QTMAN: variants seen among roughly 807,000 people sequenced by gnomAD.
QTMAN encodes tRNA-queuosine alpha-mannosyltransferase.
chr2:144,170,647 G>A, the QTMAN span, among the ~76,000 whole-genome samples: 1 of 152,008 alleles, frequency 6.6e-6, no homozygotes, highest in Admixed American at 6.6e-5. Flanking sequence ...TTCCAATGTT[G>A]TGTGTTACCC....
the QTMAN span, among the ~76,000 whole-genome samples, chr2:144,135,371 GAGAGTTTGTATAA>G: frequency 6.6e-6 from 1 of 152,118 alleles, no homozygotes; most frequent in Non-Finnish European, 1.5e-5. Context: ...TGTGAGGCAA[GAGAGTTTGTATAA>G]ATGAGACATA....
chr2:144,070,067 C>A, the QTMAN span, among the ~76,000 whole-genome samples: 8 of 152,152 alleles, frequency 5.3e-5, no homozygotes, highest in African/African-American at 1.9e-4. Context: ...CCTTAACGTG[C>A]TTCTGGAAAC....
At chr2:144,022,278 A>G in the QTMAN span, among the ~76,000 whole-genome samples, 1 of 147,830 alleles carries the variant, frequency 6.8e-6, no homozygotes, top group African/African-American at 2.5e-5. Flanking sequence ...TCTCTTTCCT[A>G]TTTTCTTTTT....
chr2:144,288,314 A>G, the QTMAN span, among the ~76,000 whole-genome samples: 4 of 152,186 alleles, frequency 2.6e-5, no homozygotes, highest in African/African-American at 7.2e-5. Flanking sequence ...TACCACAAAA[A>G]TGACAATCTT....
the QTMAN span, among the ~76,000 whole-genome samples, chr2:144,192,964 A>G: frequency 1.1e-4 from 16 of 152,196 alleles, no homozygotes; most frequent in African/African-American, 3.9e-4. Context: ...CATCATGTGC[A>G]GACATTCACA....
At chr2:144,332,285 C>T in the QTMAN span, among the ~76,000 whole-genome samples, 378 of 150,768 alleles carry the variant, frequency 2.5e-3, 5 homozygotes, top group African/African-American at 9.0e-3. Context: ...CACCCCCCGC[C>T]CCCGGCTCCC....
the QTMAN span, among the ~76,000 whole-genome samples, chr2:144,081,014 C>T: frequency 2.0e-5 from 3 of 152,160 alleles, no homozygotes; most frequent in Non-Finnish European, 4.4e-5. Context: ...CCTCAAGTTA[C>T]TGAAATTACT....
At chr2:144,252,137 C>A in the QTMAN span, among the ~76,000 whole-genome samples, 4 of 151,972 alleles carry the variant, frequency 2.6e-5, 1 homozygote, top group Admixed American at 1.3e-4. Flanking sequence ...GAGGCCAAGG[C>A]AGGAGGAATG....
the QTMAN span, among the ~76,000 whole-genome samples, chr2:144,267,557 C>CA: frequency 7.9e-5 from 12 of 152,016 alleles, no homozygotes; most frequent in Non-Finnish European, 1.8e-4. Flanking sequence ...GATCCTAACA[C>CA]AAAAAAGCAG....
chr2:144,127,977 G>C, the QTMAN span: 2 of 152,018 alleles, frequency 1.3e-5, no homozygotes, highest in East Asian at 1.9e-4. Context: ...ACAGGACTCA[G>C]GGATAAAAAG....
chr2:144,257,995 G>C, the QTMAN span, among the ~76,000 whole-genome samples: 1 of 151,922 alleles, frequency 6.6e-6, no homozygotes, highest in Non-Finnish European at 1.5e-5. Context: ...ACAACTAAAG[G>C]AGATGAAAAG....
the QTMAN span, among the ~76,000 whole-genome samples, chr2:144,263,432 T>C: frequency 1.3e-5 from 2 of 152,180 alleles, no homozygotes; most frequent in Non-Finnish European, 2.9e-5. Context: ...GTCCTGGTCA[T>C]GGCTCTACCA....
chr2:144,274,313 GAC>G, the QTMAN span, among the ~76,000 whole-genome samples: 8 of 152,308 alleles, frequency 5.3e-5, no homozygotes, highest in African/African-American at 1.4e-4. Context: ...AGGAGAATCT[GAC>G]ACAGTTTCTA....
chr2:144,113,981 C>T, the QTMAN span, among the ~76,000 whole-genome samples: 1 of 152,184 alleles, frequency 6.6e-6, no homozygotes, highest in African/African-American at 2.4e-5. Context: ...ATGTTCTTCT[C>T]TACTTGGGAG....
the QTMAN span, among the ~76,000 whole-genome samples, chr2:144,236,706 A>G: frequency 1.3e-5 from 2 of 152,142 alleles, no homozygotes; most frequent in African/African-American, 4.8e-5. Flanking sequence ...CTACATAACA[A>G]AAAAATTACA....
the QTMAN span, among the ~76,000 whole-genome samples, chr2:144,300,585 T>C: frequency 1.5e-4 from 23 of 152,202 alleles, no homozygotes; most frequent in Non-Finnish European, 5.9e-5. Flanking sequence ...GCTAGAGATA[T>C]ACACCATAAC....
chr2:144,142,978 T>C, the QTMAN span, among the ~76,000 whole-genome samples: 2 of 151,968 alleles, frequency 1.3e-5, no homozygotes, highest in African/African-American at 4.8e-5. Flanking sequence ...GTGCACAATA[T>C]TCTCTCACGA....
the QTMAN span, chr2:144,011,889 C>A: frequency 5.0e-6 from 1 of 199,000 alleles, no homozygotes; most frequent in Non-Finnish European, 9.0e-6. Flanking sequence ...AAACAGTAAT[C>A]CACATATGTC....
the QTMAN span, chr2:143,944,904 A>C: frequency 6.6e-6 from 1 of 151,978 alleles, no homozygotes; most frequent in African/African-American, 2.4e-5. Flanking sequence ...GTACTCTCTG[A>C]AAGGTGTTTA....
Sources: allele counts gnomAD v4.1 joint callset (sites outside exome capture counted in the v4.1 genomes callset), GRCh38; gene constraint gnomAD v4.1.1; transcripts MANE v1.5; gene names NCBI Gene and HGNC (gene_info 2026-07-23, HGNC 2026-07-21).